The following QKI variants were observed in gnomAD, a reference collection of about 807,000 sequenced individuals.
QKI encodes the protein KH domain-containing RNA-binding protein QKI.
Under a neutral mutation model 39.0 loss-of-function variants are expected in QKI, and 10 were observed. The observed-to-expected ratio is 0.26, with a 90% CI of 0.16 to 0.43. The LOEUF (loss-of-function observed/expected upper bound fraction) is 0.43. Among genes scored for constraint, QKI ranks in the 20% least tolerant of loss-of-function variants. QKI has a pLI of 1.00. For missense variants in QKI, 218 were observed against 428.0 expected (o/e 0.51, Z 4.33); for synonymous variants, 204 against 155.4 (o/e 1.31, Z -2.33).
intron 7 of QKI, 150 bp from the exon 8 acceptor site, chr6:163,570,544 C>T: frequency 7.4e-7 from 1 of 1,359,646 alleles, no homozygotes; most frequent in Non-Finnish European, 9.5e-7. Context: ...TGGTGTCAAT[C>T]AGTTTGTCAG....
chr6:163,543,229 A>T (rs973797938), intron 4 of QKI, among the ~76,000 whole-genome samples: 1 of 152,074 alleles, frequency 6.6e-6, no homozygotes, highest in Non-Finnish European at 1.5e-5. Context: ...TCAAATATTG[A>T]TCATTGAAAT....
intron 2 of QKI, among the ~76,000 whole-genome samples, chr6:163,464,582 A>G (rs1791588866): frequency 6.6e-6 from 1 of 152,208 alleles, no homozygotes; most frequent in African/African-American, 2.4e-5. Context: ...AAATTGAACA[A>G]ACTAGAAGAA....
chr6:163,504,636 G>T (rs1562494288), intron 3 of QKI, among the ~76,000 whole-genome samples: 1 of 152,088 alleles, frequency 6.6e-6, no homozygotes. Flanking sequence ...GTCGTAAATG[G>T]GATGCATTGG....
At chr6:163,536,707 A>G (rs1286045264) in intron 4 of QKI, among the ~76,000 whole-genome samples, 1 of 149,632 alleles carries the variant, frequency 6.7e-6, no homozygotes, top group East Asian at 2.0e-4. Flanking sequence ...AAAATAAATG[A>G]TTGAATCTTG....
chr6:163,432,507 C>A (rs73015318), intron 1 of QKI, among the ~76,000 whole-genome samples: 21,660 of 151,740 alleles, frequency 0.14, 2,141 homozygotes, highest in Admixed American at 0.32. Context: ...GATCCTCCTG[C>A]CTCAGCCTCC....
At chr6:163,532,318 T>A (rs571722693) in intron 3 of QKI, among the ~76,000 whole-genome samples, 1 of 152,340 alleles carries the variant, frequency 6.6e-6, no homozygotes, top group East Asian at 1.9e-4. Flanking sequence ...CTATTTATAA[T>A]AACATCTGTA....
chr6:163,459,552 C>T (rs1005010406), intron 2 of QKI, among the ~76,000 whole-genome samples: 1 of 152,164 alleles, frequency 6.6e-6, no homozygotes, highest in African/African-American at 2.4e-5. Flanking sequence ...GAGAAGGGGA[C>T]TGAAATAAAT....
chr6:163,436,895 T>A (rs1582984408), intron 1 of QKI, among the ~76,000 whole-genome samples: 1 of 151,770 alleles, frequency 6.6e-6, no homozygotes, highest in African/African-American at 2.4e-5. Flanking sequence ...AGTAGTTCCA[T>A]CTAAATTAAG....
intron 4 of QKI, among the ~76,000 whole-genome samples, chr6:163,556,816 G>A (rs543392479): frequency 1.3e-5 from 2 of 152,170 alleles, no homozygotes; most frequent in East Asian, 1.9e-4. Flanking sequence ...GCACTTCCCC[G>A]ATACCACAGG....
chr6:163,486,078 A>G (rs750321176), intron 3 of QKI, among the ~76,000 whole-genome samples: 3 of 152,202 alleles, frequency 2.0e-5, no homozygotes, highest in Non-Finnish European at 4.4e-5. Context: ...CACTTTTACT[A>G]TCTGTGCTGC....
Position 163,569,842 on chromosome 6 carries a change from A to G in QKI, c.1010-852A>G, listed in dbSNP as rs186750732. On this transcript the variant is annotated intron_variant, in intron 7 of 7. Transcript: ENST00000361752. ...GTTTTAAAATGCCTTATTGGTATCA[A>G]TTAGAAATTTCTTCTATTTTTTGAT... The G allele has an allele frequency of 3.7e-4, 362 of 986,820 alleles. 2 individuals are homozygous for G. In the African/African-American group the frequency reaches 5.7e-3, roughly 15 times the overall value. The allele number at this position is 986,820 out of a possible 1,614,324, so 61.1% of individuals were successfully genotyped here.
intron 1 of QKI, chr6:163,423,290 AAAC>A (rs1448454642): frequency 2.6e-5 from 4 of 152,284 alleles, no homozygotes; most frequent in Non-Finnish European, 4.4e-5. Flanking sequence ...TCCATCTCAA[AAAC>A]AAATAAAATT....
In QKI at chr6:163,575,557, A is replaced by G. The variant is rs1022940171; in HGVS notation, c.*4847A>G. On this transcript the variant is annotated 3_prime_UTR_variant, in exon 8 of 8. Coordinates refer to ENST00000361752, the MANE Select transcript of QKI (RefSeq NM_006775.3). Reference sequence around the variant, plus strand: ...TCCTTAAACTTTTCCTTTAGGCAAAATGTCAGGGAAAACTTAACATGAAAG... The same window carrying G: ...TCCTTAAACTTTTCCTTTAGGCAAAGTGTCAGGGAAAACTTAACATGAAAG... The G allele has an allele frequency of 1.1e-4, 16 of 152,182 alleles. No individual in the cohort carries two copies. The highest frequency in any genetic ancestry group is 3.6e-4 in the African/African-American group (15 of 41,428). The allele number at this position is 152,182 out of a possible 1,614,324, so 9.4% of individuals were successfully genotyped here.
At chr6:163,502,522 A>G (rs1778836286) in intron 3 of QKI, among the ~76,000 whole-genome samples, 1 of 152,176 alleles carries the variant, frequency 6.6e-6, no homozygotes, top group Non-Finnish European at 1.5e-5. Context: ...CAAAATTAAG[A>G]TAAAGTGAAT....
intron 1 of QKI, among the ~76,000 whole-genome samples, chr6:163,454,955 G>A (rs1790815814): frequency 6.6e-6 from 1 of 152,198 alleles, no homozygotes; most frequent in African/African-American, 2.4e-5. Flanking sequence ...GATTTGGAAT[G>A]ACTGGCCTCG....
At chr6:163,483,421 GCTTTT>G (rs1425288527) in intron 3 of QKI, among the ~76,000 whole-genome samples, 1 of 152,104 alleles carries the variant, frequency 6.6e-6, no homozygotes, top group Non-Finnish European at 1.5e-5. Context: ...AGCATGCAGT[GCTTTT>G]TGATAGCATT....
intron 6 of QKI, chr6:163,563,969 T>G: frequency 7.5e-7 from 1 of 1,339,416 alleles, no homozygotes; most frequent in Non-Finnish European, 9.5e-7. Context: ...TTGTGTACAT[T>G]TCAACAAATA....
chr6:163,509,450 C>A (rs1344489348), intron 3 of QKI, among the ~76,000 whole-genome samples: 1 of 143,452 alleles, frequency 7.0e-6, no homozygotes, highest in East Asian at 2.1e-4. Context: ...TTCTTAATTT[C>A]TTTATATTAC....
chr6:163,530,043 A>G (rs2128239914), intron 3 of QKI, among the ~76,000 whole-genome samples: 1 of 152,302 alleles, frequency 6.6e-6, no homozygotes, highest in East Asian at 1.9e-4. Context: ...ATTGATGCAA[A>G]ACTGTGTTCT....
Sources: allele counts gnomAD v4.1 joint callset (sites outside exome capture counted in the v4.1 genomes callset), GRCh38; gene constraint gnomAD v4.1.1; transcripts MANE v1.5; gene names NCBI Gene and HGNC (gene_info 2026-07-23, HGNC 2026-07-21).